CSMD3: variants seen among roughly 807,000 people sequenced by gnomAD.
CSMD3 encodes the protein CUB and Sushi multiple domains 3.
CSMD3 carries 177 observed loss-of-function variants against 435.2 expected under a neutral mutation model. The ratio of observed to expected loss-of-function variants is 0.41; its 90% CI spans 0.36 to 0.46. The LOEUF (loss-of-function observed/expected upper bound fraction) is 0.46. Among genes scored for constraint, CSMD3 ranks in the 20% least tolerant of loss-of-function variants. CSMD3 has a pLI of 0.34. For missense variants in CSMD3, 4,265 were observed against 4,504.6 expected, an observed-to-expected ratio of 0.95 and a Z score of 1.52; for synonymous variants, 1,656 against 1,520.5, an observed-to-expected ratio of 1.09 and a Z score of -2.07.
At chr8:113,356,789 A>C (rs1012055807) in intron 1 of CSMD3, among the ~76,000 whole-genome samples, 12 of 152,136 alleles carry the variant, frequency 7.9e-5, no homozygotes, top group African/African-American at 2.7e-4. Context: ...GTGAAAGCTA[A>C]TGACATCTAC....
At chr8:112,907,613 A>G (rs1161210076) in intron 10 of CSMD3, among the ~76,000 whole-genome samples, 2 of 151,308 alleles carry the variant, frequency 1.3e-5, no homozygotes, top group Admixed American at 1.3e-4. Flanking sequence ...GGTCCTCTTA[A>G]GTCTGGGCTT....
chr8:113,219,727 A>G lies in CSMD3; in HGVS notation c.515-45811T>C, dbSNP rs114283359. Among the ~76,000 whole-genome samples the G allele has an allele frequency of 5.4e-3, 821 of 151,618 alleles. 7 individuals are homozygous for G. Among genetic ancestry groups the G allele is most frequent in the African/African-American group, 0.019 (792 of 41,494 alleles). On this transcript the variant is annotated intron_variant, in intron 3 of 70. Transcript: ENST00000297405. ...AGAAAAATTTATTAAATTCCTCTAT[A>G]CTGGGTATAGGAAAAGCTATCAAAA... is the stretch of plus-strand genomic sequence containing the variant.
intron 12 of CSMD3, among the ~76,000 whole-genome samples, chr8:112,812,907 T>A (rs1431395742): frequency 2.0e-5 from 3 of 152,158 alleles, no homozygotes. Context: ...AAGAACATAA[T>A]CTATTACACT....
rs1193866378 is a variant in CSMD3 at position 113,302,309 on chromosome 8, TTA to T, written c.401+12260_401+12261del. On this transcript the variant is annotated intron_variant, in intron 2 of 70. Transcript: ENST00000297405. ...TATATAATATAATATAATATATATATTATATATATAATAATATAATATAATAA... is the reference window on the plus strand; with the variant it reads ...TATATAATATAATATAATATATATATTATATATAATAATATAATATAATAA... Among the ~76,000 whole-genome samples the T allele has an allele frequency of 2.0e-3, 280 of 141,422 alleles. 2 individuals are homozygous for T. Among genetic ancestry groups the T allele is most frequent in the African/African-American group, 6.6e-3 (255 of 38,612 alleles). The allele number at this position is 141,422 out of a possible 152,430, so 92.8% of individuals were successfully genotyped here. A position where few individuals can be genotyped will look rare whatever the true frequency, so the allele number is the denominator to read the frequency against.
chr8:112,331,371 T>A (rs898437831), intron 45 of CSMD3, among the ~76,000 whole-genome samples: 6 of 151,954 alleles, frequency 3.9e-5, no homozygotes, highest in African/African-American at 1.4e-4. Context: ...GAGAAAAAAA[T>A]ATGATATCTG....
At chr8:112,329,593 C>G (rs1017749712) in intron 45 of CSMD3, among the ~76,000 whole-genome samples, 2 of 152,094 alleles carry the variant, frequency 1.3e-5, no homozygotes, top group African/African-American at 4.8e-5. Flanking sequence ...GCTGAGATCA[C>G]AGAGTCCCTC....
At chr8:112,807,166 A>G (rs2079109256) in intron 12 of CSMD3, among the ~76,000 whole-genome samples, 1 of 152,118 alleles carries the variant, frequency 6.6e-6, no homozygotes, top group South Asian at 2.1e-4. Flanking sequence ...CTTTTTTTGG[A>G]GAGCCAGCTG....
intron 10 of CSMD3, among the ~76,000 whole-genome samples, chr8:112,910,719 T>C (rs901676759): frequency 3.3e-5 from 5 of 151,866 alleles, no homozygotes; most frequent in Admixed American, 1.3e-4. Flanking sequence ...TCCTTTTCCG[T>C]CTACAAACCT....
Position 112,335,561 on chromosome 8 carries a change from T to C in CSMD3, c.7020-87A>G, listed in dbSNP as rs970104804. 14 of 1,144,902 alleles carry C rather than the reference T, an allele frequency of 1.2e-5. No homozygotes were observed. The Admixed American group carries it at 2.3e-4, about 19-fold the overall frequency. 70.9% of individuals were successfully genotyped at this position (1,144,902 alleles called of 1,614,324 possible). A position where few individuals can be genotyped will look rare whatever the true frequency, so the allele number is the denominator to read the frequency against. The stretch of plus-strand genomic sequence containing the variant: ...CCGTATTTAATAAAAGTATTGCATA[T>C]ATTTATATTCTAACGTATCAATAAT... On this transcript the variant is annotated intron_variant, in intron 44 of 70. Coordinates refer to ENST00000297405, the MANE Select transcript of CSMD3 (RefSeq NM_198123.2).
At chr8:112,352,023 A>G (rs1826181706) in intron 39 of CSMD3, among the ~76,000 whole-genome samples, 1 of 152,114 alleles carries the variant, frequency 6.6e-6, no homozygotes, top group South Asian at 2.1e-4. Context: ...TGGAAGTTTC[A>G]TTCAGTGTTT....
At chr8:113,156,321 C>A (rs1384556057) in intron 4 of CSMD3, among the ~76,000 whole-genome samples, 2 of 152,030 alleles carry the variant, frequency 1.3e-5, no homozygotes, top group African/African-American at 4.8e-5. Context: ...TCTCTGACAG[C>A]AGACATTTTT....
At chr8:113,235,801 G>A (rs28391600) in intron 3 of CSMD3, among the ~76,000 whole-genome samples, 2,071 of 152,202 alleles carry the variant, frequency 0.014, 60 homozygotes, top group African/African-American at 0.048. Flanking sequence ...GTGAAGCCCA[G>A]CAGGCTCTGC....
chr8:113,300,559 C>T (rs1023490336), intron 2 of CSMD3, among the ~76,000 whole-genome samples: 1 of 152,032 alleles, frequency 6.6e-6, no homozygotes, highest in Non-Finnish European at 1.5e-5. Context: ...CAGTTGGAGG[C>T]CATTATCCTA....
intron 3 of CSMD3, among the ~76,000 whole-genome samples, chr8:113,196,125 T>G (rs529867044): frequency 2.6e-5 from 4 of 151,302 alleles, no homozygotes; most frequent in Non-Finnish European, 5.9e-5. Flanking sequence ...TAGCTTCTTT[T>G]TGTCTTTTCT....
intron 38 of CSMD3, among the ~76,000 whole-genome samples, chr8:112,373,595 T>C (rs1049354845): frequency 1.3e-5 from 2 of 152,074 alleles, no homozygotes; most frequent in African/African-American, 4.8e-5. Flanking sequence ...TCAACCAGCA[T>C]TTTGAGGCAC....
At chr8:112,400,134 A>C (rs1831194137) in intron 35 of CSMD3, among the ~76,000 whole-genome samples, 1 of 152,170 alleles carries the variant, frequency 6.6e-6, no homozygotes, top group African/African-American at 2.4e-5. Context: ...AAAAACATAG[A>C]CTAGGTGGCT....
chr8:113,360,235 TA>T (rs2094263198), intron 1 of CSMD3, among the ~76,000 whole-genome samples: 4 of 152,120 alleles, frequency 2.6e-5, no homozygotes, highest in Admixed American at 2.6e-4. Context: ...GTGACAAGAG[TA>T]GCTCTGGATT....
At chr8:113,415,169 G>C (rs527627931) in intron 1 of CSMD3, among the ~76,000 whole-genome samples, 1 of 152,252 alleles carries the variant, frequency 6.6e-6, no homozygotes, top group Admixed American at 6.5e-5. Context: ...GCAGATTCTG[G>C]ATGCAGGTAG....
chr8:112,287,426 A>G (rs944197082), intron 57 of CSMD3, among the ~76,000 whole-genome samples, 180 bp from the exon 58 acceptor site: 1 of 152,078 alleles, frequency 6.6e-6, no homozygotes, highest in African/African-American at 2.4e-5. Flanking sequence ...TGTAAATGAA[A>G]AAGAAAATAG....
Sources: allele counts gnomAD v4.1 joint callset (sites outside exome capture counted in the v4.1 genomes callset), GRCh38; gene constraint gnomAD v4.1.1; transcripts MANE v1.5; gene names NCBI Gene and HGNC (gene_info 2026-07-23, HGNC 2026-07-21).